The following UBAP2 variants were observed in gnomAD, a reference collection of about 807,000 sequenced individuals.
UBAP2 encodes the protein ubiquitin-associated protein 2.
A neutral mutation model predicts 139.6 loss-of-function variants in UBAP2; 75 were observed. The ratio of observed to expected loss-of-function variants is 0.54; its 90% CI spans 0.45 to 0.65. UBAP2 has a LOEUF of 0.65. Among genes scored for constraint, UBAP2 ranks in the 30% least tolerant of loss-of-function variants. The probability of loss-of-function intolerance (pLI) is 0.00; values close to 1 mark genes in which losing one functional copy is unlikely to be tolerated. For synonymous variants in UBAP2, 526 were observed against 526.2 expected (o/e 1.00, Z 0.01); for missense variants, 1,368 against 1,369.6 (o/e 1.00, Z 0.02).
rs1587616418 is a variant in UBAP2 at position 33,986,689 on chromosome 9, A to C, written c.520+71T>G. On this transcript the variant is annotated intron_variant, in intron 6 of 28. Transcript: ENST00000379238. ...AGAACACACTGCCATCCCTAGTCACAGTCCAGCAACGCAACTGCCTGCTTC... is the reference window on the plus strand; with the variant it reads ...AGAACACACTGCCATCCCTAGTCACCGTCCAGCAACGCAACTGCCTGCTTC... 19 of 1,258,016 alleles carry C rather than the reference A, an allele frequency of 1.5e-5. No individual in the cohort carries two copies. In the East Asian group the frequency reaches 4.2e-4, roughly 28 times the overall value. The allele number at this position is 1,258,016 out of a possible 1,614,324, so 77.9% of individuals were successfully genotyped here.
intron 13 of UBAP2, among the ~76,000 whole-genome samples, chr9:33,947,639 TG>T (rs1335858528): frequency 6.6e-6 from 1 of 151,676 alleles, no homozygotes; most frequent in Non-Finnish European, 1.5e-5. Context: ...CTGGGCAACA[TG>T]GCAAACCCCT....
At chr9:33,970,906 G>A (rs928945122) in intron 8 of UBAP2, among the ~76,000 whole-genome samples, 2 of 152,154 alleles carry the variant, frequency 1.3e-5, no homozygotes, top group Non-Finnish European at 2.9e-5. Flanking sequence ...GGGTTCAAGC[G>A]ATTCTCCTGT....
At chr9:34,014,227 TAA>T in intron 2 of UBAP2, among the ~76,000 whole-genome samples, 1 of 135,980 alleles carries the variant, frequency 7.4e-6, no homozygotes, top group South Asian at 2.2e-4. Flanking sequence ...CTGGGGAGGA[TAA>T]GACAGGAGAA....
At chr9:33,933,703 C>A in intron 17 of UBAP2, 75 bp from the exon 18 acceptor site, 5 of 1,573,054 alleles carry the variant, frequency 3.2e-6, no homozygotes, top group Non-Finnish European at 4.3e-6. Context: ...TGAAAATATG[C>A]TCAATATCTT....
chr9:34,005,903 G>C (rs1340253193), intron 2 of UBAP2, among the ~76,000 whole-genome samples: 1 of 152,116 alleles, frequency 6.6e-6, no homozygotes, highest in Non-Finnish European at 1.5e-5. Flanking sequence ...TAAATAATCA[G>C]TCCACACTAA....
At chr9:34,040,323 CAAAAAAAAAA>C (rs56317641) in intron 1 of UBAP2, among the ~76,000 whole-genome samples, 8 of 88,864 alleles carry the variant, frequency 9.0e-5, no homozygotes, top group Admixed American at 1.4e-4. Flanking sequence ...GACTCTGTCT[CAAAAAAAAAA>C]AAAAAAAAAA....
At chr9:33,933,206 C>T (rs574168884) in intron 18 of UBAP2, among the ~76,000 whole-genome samples, 7 of 152,270 alleles carry the variant, frequency 4.6e-5, no homozygotes, top group Admixed American at 3.9e-4. Flanking sequence ...GCTCAGGCAC[C>T]CTCTGGAGGG....
At chr9:33,966,086 C>CT (rs910909892) in intron 8 of UBAP2, among the ~76,000 whole-genome samples, 2 of 151,584 alleles carry the variant, frequency 1.3e-5, no homozygotes, top group Non-Finnish European at 2.9e-5. Context: ...GGTCTTAGAA[C>CT]TTTTTTTTCC....
chr9:34,034,899 G>C (rs1240021978), intron 1 of UBAP2, among the ~76,000 whole-genome samples: 1 of 149,716 alleles, frequency 6.7e-6, no homozygotes. Context: ...AAAAAAAAAC[G>C]AATCGCTCAA....
intron 6 of UBAP2, among the ~76,000 whole-genome samples, chr9:33,985,997 G>A (rs1256908315): frequency 1.3e-5 from 2 of 151,940 alleles, no homozygotes; most frequent in Non-Finnish European, 2.9e-5. Context: ...CTCCAGCCTG[G>A]GTGACAAAGT....
chr9:33,962,912 G>A (rs1379012787), intron 9 of UBAP2, among the ~76,000 whole-genome samples: 3 of 151,228 alleles, frequency 2.0e-5, no homozygotes, highest in Non-Finnish European at 2.9e-5. Flanking sequence ...CCAGGAGGTG[G>A]AGGTTGCAGT....
intron 17 of UBAP2, 93 bp from the exon 18 acceptor site, chr9:33,933,721 G>A: frequency 1.3e-6 from 2 of 1,527,060 alleles, no homozygotes; most frequent in Non-Finnish European, 1.8e-6. Context: ...CTTGTGACAT[G>A]TCAGCCTCAG....
At chr9:33,991,881 G>A (rs182087769) in intron 4 of UBAP2, among the ~76,000 whole-genome samples, 53 of 152,260 alleles carry the variant, frequency 3.5e-4, no homozygotes, top group Admixed American at 1.5e-3. Context: ...CAGCCTCGCC[G>A]AAAGGTACTC....
intron 17 of UBAP2, chr9:33,934,443 G>C (rs1056240692): frequency 6.4e-6 from 1 of 155,660 alleles, no homozygotes; most frequent in Non-Finnish European, 1.5e-5. Context: ...CTAAAGGAAG[G>C]GCAGGTCAAA....
At chr9:33,981,760 T>A (rs1231079820) in intron 6 of UBAP2, among the ~76,000 whole-genome samples, 210 of 131,008 alleles carry the variant, frequency 1.6e-3, no homozygotes, top group Middle Eastern at 9.3e-3. Flanking sequence ...GGATGGAAGG[T>A]AGGTAGGTAG....
At chr9:34,012,220 A>G (rs1274387039) in intron 2 of UBAP2, among the ~76,000 whole-genome samples, 1 of 152,234 alleles carries the variant, frequency 6.6e-6, no homozygotes, top group Non-Finnish European at 1.5e-5. Context: ...TGTATATTCC[A>G]CAATCTAATT....
At chr9:34,019,231 C>G (rs187704803) in intron 1 of UBAP2, among the ~76,000 whole-genome samples, 4 of 151,878 alleles carry the variant, frequency 2.6e-5, no homozygotes, top group African/African-American at 9.7e-5. Flanking sequence ...GGTGAAACCC[C>G]GTCTCTACTA....
chr9:33,925,908 T>TC (rs1469621574), intron 22 of UBAP2, among the ~76,000 whole-genome samples: 1 of 152,170 alleles, frequency 6.6e-6, no homozygotes, highest in African/African-American at 2.4e-5. Flanking sequence ...AGACAGTGGC[T>TC]CCCAGGAGGA....
intron 1 of UBAP2, among the ~76,000 whole-genome samples, chr9:34,022,475 T>C (rs1825045528): frequency 6.7e-6 from 1 of 149,290 alleles, no homozygotes; most frequent in African/African-American, 2.5e-5. Context: ...TCTGGCTTTG[T>C]TGCCCAGGCT....
Sources: allele counts gnomAD v4.1 joint callset (sites outside exome capture counted in the v4.1 genomes callset), GRCh38; gene constraint gnomAD v4.1.1; transcripts MANE v1.5; gene names NCBI Gene and HGNC (gene_info 2026-07-23, HGNC 2026-07-21).